Variants in OSBPL10 observed in about 807,000 individuals in gnomAD.
OSBPL10 encodes the protein oxysterol binding protein like 10, also known as oxysterol-binding protein-related protein 10.
In OSBPL10, 49 loss-of-function variants were observed where a neutral mutation model predicts 81.7. The observed-to-expected ratio is 0.60, with a 90% CI of 0.48 to 0.76. The LOEUF (loss-of-function observed/expected upper bound fraction) is 0.76, where lower values mean the gene tolerates loss of function less well. Ranked by LOEUF, OSBPL10 falls within the 30% of genes least tolerant of loss-of-function variation. The pLI is 0.00. For missense variants in OSBPL10, 923 were observed against 987.8 expected (o/e 0.93, Z 0.88); for synonymous variants, 419 against 383.6 (o/e 1.09, Z -1.08).
intron 4 of OSBPL10, among the ~76,000 whole-genome samples, chr3:31,768,001 G>T (rs749944245): frequency 6.6e-6 from 1 of 152,180 alleles, no homozygotes; most frequent in East Asian, 1.9e-4. Context: ...AGGACTACTG[G>T]TTGGCTATTT....
intron 2 of OSBPL10, among the ~76,000 whole-genome samples, chr3:31,995,989 A>G (rs561653665): frequency 2.0e-5 from 3 of 152,180 alleles, no homozygotes; most frequent in Admixed American, 2.0e-4. Flanking sequence ...CAATCTCAGC[A>G]TTTTTCTGAG....
At chr3:31,688,295 A>T (rs546979085) in intron 7 of OSBPL10, among the ~76,000 whole-genome samples, 15 of 149,762 alleles carry the variant, frequency 1.0e-4, no homozygotes, top group South Asian at 2.1e-4. Context: ...ACACACACAC[A>T]CACACACACA....
chr3:32,043,060 A>T (rs1699591575), intron 2 of OSBPL10, among the ~76,000 whole-genome samples: 1 of 152,088 alleles, frequency 6.6e-6, no homozygotes, highest in Non-Finnish European at 1.5e-5. Flanking sequence ...TTTTTTCCCC[A>T]CCGTAGTAAG....
intron 3 of OSBPL10, among the ~76,000 whole-genome samples, chr3:31,841,120 C>G (rs1301878064): frequency 6.6e-6 from 1 of 152,218 alleles, no homozygotes; most frequent in Non-Finnish European, 1.5e-5. Context: ...GTTGGTCAGG[C>G]TGGTCTCAAA....
intron 1 of OSBPL10, among the ~76,000 whole-genome samples, chr3:31,955,310 T>A (rs1277886972): frequency 6.6e-6 from 1 of 152,210 alleles, no homozygotes; most frequent in African/African-American, 2.4e-5. Context: ...AGGCATATCA[T>A]CATTTTATAG....
At chr3:31,920,142 A>T (rs982444129) in intron 1 of OSBPL10, among the ~76,000 whole-genome samples, 1 of 152,198 alleles carries the variant, frequency 6.6e-6, no homozygotes, top group Non-Finnish European at 1.5e-5. Flanking sequence ...AGGGGTTGCT[A>T]GTGGTTTAGG....
intron 7 of OSBPL10, among the ~76,000 whole-genome samples, chr3:31,685,680 T>C (rs1700775678): frequency 6.6e-6 from 1 of 152,174 alleles, no homozygotes; most frequent in South Asian, 2.1e-4. Context: ...ACATAACTAA[T>C]TCTGTCCTTC....
chr3:31,703,702 A>G (rs1383734338), intron 6 of OSBPL10: 1 of 152,142 alleles, frequency 6.6e-6, no homozygotes, highest in Admixed American at 6.5e-5. Flanking sequence ...TAAAACTTCA[A>G]CGTAAATAGA....
At chr3:31,901,119 G>T (rs957655841) in intron 1 of OSBPL10, among the ~76,000 whole-genome samples, 13 of 152,120 alleles carry the variant, frequency 8.5e-5, no homozygotes, top group African/African-American at 3.1e-4. Flanking sequence ...ATGAATTTTG[G>T]ATACACATTT....
At chr3:31,731,756 G>A (rs1333696361) in intron 6 of OSBPL10, among the ~76,000 whole-genome samples, 2 of 152,180 alleles carry the variant, frequency 1.3e-5, no homozygotes, top group Non-Finnish European at 2.9e-5. Context: ...CAATGTGCTG[G>A]GATTACAGGC....
At chr3:31,817,052 C>T (rs113305525) in intron 4 of OSBPL10, among the ~76,000 whole-genome samples, 1,644 of 152,336 alleles carry the variant, frequency 0.011, 8 homozygotes, top group Middle Eastern at 0.037. Context: ...CCTCTCCCTG[C>T]TCTGGCTGAG....
chr3:31,908,856 G>A (rs1376481891), intron 1 of OSBPL10, among the ~76,000 whole-genome samples: 1 of 152,112 alleles, frequency 6.6e-6, no homozygotes, highest in African/African-American at 2.4e-5. Flanking sequence ...GCTCCCCCTG[G>A]GGAACTGCAA....
In OSBPL10 at chr3:31,809,222, A is replaced by C. The variant is rs538417036; in HGVS notation, c.729+20818T>G. Among the ~76,000 whole-genome samples the C allele has an allele frequency of 9.8e-5, 15 of 152,382 alleles. No homozygotes were observed. The South Asian group carries it at 3.1e-3, about 32-fold the overall frequency. On this transcript the variant is annotated intron_variant, in intron 4 of 11. Transcript: ENST00000396556. ...AGAAAATCATCAGCAAAACTACAAC[A>C]AACAATAAAAGAATATATTTAGATT...
intron 1 of OSBPL10, among the ~76,000 whole-genome samples, chr3:32,055,081 G>A (rs901397415): frequency 6.6e-6 from 1 of 151,650 alleles, no homozygotes; most frequent in Non-Finnish European, 1.5e-5. Context: ...TAACTGCATG[G>A]ACTAAGCTAA....
intron 3 of OSBPL10, among the ~76,000 whole-genome samples, chr3:31,865,386 G>A (rs1206419842): frequency 2.0e-5 from 3 of 152,158 alleles, no homozygotes; most frequent in Non-Finnish European, 2.9e-5. Flanking sequence ...TGTGGCTAGA[G>A]GTCTCCATAT....
At chr3:31,851,556 C>T (rs1230945363) in intron 3 of OSBPL10, among the ~76,000 whole-genome samples, 1 of 152,246 alleles carries the variant, frequency 6.6e-6, no homozygotes, top group Non-Finnish European at 1.5e-5. Context: ...GCCAGTCCTA[C>T]CCAGACCAGC....
intron 1 of OSBPL10, among the ~76,000 whole-genome samples, chr3:32,070,702 C>T (rs769996095): frequency 1.2e-4 from 19 of 152,230 alleles, no homozygotes; most frequent in Non-Finnish European, 2.5e-4. Flanking sequence ...ACAAGTCTTA[C>T]AGGTTAGTTC....
At chr3:31,678,344 G>T (rs1167205069) in intron 8 of OSBPL10, among the ~76,000 whole-genome samples, 1 of 152,130 alleles carries the variant, frequency 6.6e-6, no homozygotes, top group Non-Finnish European at 1.5e-5. Context: ...TGTGTAGAGG[G>T]AAGAAGGGAA....
chr3:31,899,598 G>A (rs1696172360), intron 1 of OSBPL10, among the ~76,000 whole-genome samples: 2 of 152,178 alleles, frequency 1.3e-5, no homozygotes, highest in Admixed American at 1.3e-4. Flanking sequence ...GAGAGGCCGA[G>A]GTGAGAGAAC....
Sources: gnomAD v4.1 joint callset for allele counts (sites outside exome capture counted in the v4.1 genomes callset) on GRCh38, gnomAD v4.1.1 for gene constraint, MANE v1.5 for transcripts, NCBI Gene and HGNC (gene_info 2026-07-23, HGNC 2026-07-21) for gene names.